ROBO2: variants seen among roughly 807,000 people sequenced by gnomAD.
ROBO2 encodes the protein roundabout guidance receptor 2.
In ROBO2, 53 loss-of-function variants were observed where a neutral mutation model predicts 160.8. The ratio of observed to expected loss-of-function variants is 0.33; its 90% confidence interval spans 0.26 to 0.41. ROBO2 has a LOEUF of 0.41. Ranked by LOEUF, ROBO2 falls within the 10% of genes least tolerant of loss-of-function variation. ROBO2 has a pLI of 1.00. For synonymous variants in ROBO2, 664 were observed against 611.7 expected, an observed-to-expected ratio of 1.09 and a Z score of -1.26; for missense variants, 1,577 against 1,722.4, an observed-to-expected ratio of 0.92 and a Z score of 1.49.
At chr3:77,292,290 A>G (rs143367351) in intron 2 of ROBO2, among the ~76,000 whole-genome samples, 5,207 of 150,700 alleles carry the variant, frequency 0.035, 327 homozygotes, top group African/African-American at 0.12. Context: ...TCACCCAGAC[A>G]TAAAGTAAAA....
chr3:77,335,970 T>A (rs1037229478), intron 2 of ROBO2, among the ~76,000 whole-genome samples: 1 of 152,160 alleles, frequency 6.6e-6, no homozygotes, highest in Non-Finnish European at 1.5e-5. Flanking sequence ...AATGGAGGTA[T>A]ATGCAAGGTA....
At chr3:76,612,578 G>A (rs2088215511) in intron 2 of ROBO2, among the ~76,000 whole-genome samples, 1 of 152,080 alleles carries the variant, frequency 6.6e-6, no homozygotes, top group South Asian at 2.1e-4. Flanking sequence ...AGAACATTAG[G>A]ACAAATACCC....
Position 77,607,911 on chromosome 3 carries a change from G to T in ROBO2, c.3250G>T (p.Gly1084Cys), listed in dbSNP as rs763828605. The change falls in exon 21 of 26, where the codon GGC (glycine) becomes TGC (cysteine). Residue 1084 changes from glycine to cysteine, a missense_variant. Gly to Cys is a radical substitution (Grantham distance 159, BLOSUM62 -3). Coordinates refer to ENST00000461745, the Ensembl canonical transcript of ROBO2. ...TCCCCCCCCAGTCCAGCCCCTTCCTGGCACGGAGCTGGAACACTATGCAGT... is the reference window on the plus strand; with the variant it reads ...TCCCCCCCCAGTCCAGCCCCTTCCTTGCACGGAGCTGGAACACTATGCAGT... 2 of 1,613,682 alleles carry T rather than the reference G, an allele frequency of 1.2e-6. No homozygotes were observed. The highest frequency in any genetic ancestry group is 2.2e-5 in the South Asian group (2 of 91,046).
At chr3:77,609,789 TAC>T (rs1419768759) in intron 21 of ROBO2, among the ~76,000 whole-genome samples, 207 of 101,660 alleles carry the variant, frequency 2.0e-3, no homozygotes, top group African/African-American at 6.7e-3. Flanking sequence ...ACTTTATATA[TAC>T]ATATATATAT....
intron 2 of ROBO2, among the ~76,000 whole-genome samples, chr3:76,341,419 TAAA>T (rs71277587): frequency 2.3e-5 from 1 of 44,250 alleles, no homozygotes; most frequent in Non-Finnish European, 4.6e-5. Context: ...TTTTAAAGCG[TAAA>T]AAAAAAAAAA....
chr3:76,328,083 A>C (rs1343798719), intron 2 of ROBO2, among the ~76,000 whole-genome samples: 1 of 152,168 alleles, frequency 6.6e-6, no homozygotes, highest in Non-Finnish European at 1.5e-5. Flanking sequence ...TTCTTTAAGA[A>C]GTCCCAGATT....
chr3:76,789,778 G>T (rs1406879386), intron 2 of ROBO2, among the ~76,000 whole-genome samples: 1 of 151,550 alleles, frequency 6.6e-6, no homozygotes, highest in African/African-American at 2.4e-5. Context: ...TTAAGAAATA[G>T]AACGTCAAGA....
chr3:76,220,430 C>A (rs543068972), intron 2 of ROBO2, among the ~76,000 whole-genome samples: 1 of 152,022 alleles, frequency 6.6e-6, no homozygotes, highest in East Asian at 1.9e-4. Flanking sequence ...AAGCTCGATC[C>A]TCACACAGGG....
At chr3:76,329,515 T>A (rs1426187143) in intron 2 of ROBO2, among the ~76,000 whole-genome samples, 2 of 152,138 alleles carry the variant, frequency 1.3e-5, no homozygotes, top group East Asian at 3.9e-4. Context: ...ACGGCATCCG[T>A]CCTCAGAATC....
chr3:76,885,558 T>G (rs548719331), intron 2 of ROBO2, among the ~76,000 whole-genome samples: 20 of 152,180 alleles, frequency 1.3e-4, no homozygotes, highest in Non-Finnish European at 2.1e-4. Flanking sequence ...GTGTGTTAGC[T>G]AAAAATACCA....
chr3:76,951,815 C>G (rs188063006), intron 2 of ROBO2, among the ~76,000 whole-genome samples: 5 of 152,336 alleles, frequency 3.3e-5, no homozygotes, highest in Admixed American at 2.0e-4. Context: ...CCTGCTCTTA[C>G]TGTTCACAAA....
At chr3:76,440,147 G>T (rs890000791) in intron 2 of ROBO2, among the ~76,000 whole-genome samples, 1 of 152,106 alleles carries the variant, frequency 6.6e-6, no homozygotes, top group Non-Finnish European at 1.5e-5. Context: ...ATGATGTGGG[G>T]GGAAAGCGAG....
intron 2 of ROBO2, among the ~76,000 whole-genome samples, chr3:77,381,949 A>G (rs1247566537): frequency 6.6e-6 from 1 of 151,700 alleles, no homozygotes; most frequent in Non-Finnish European, 1.5e-5. Flanking sequence ...ATTTTTCTGA[A>G]GAGAAATTTG....
At chr3:77,141,486 G>C (rs545245117) in intron 2 of ROBO2, among the ~76,000 whole-genome samples, 50 of 152,268 alleles carry the variant, frequency 3.3e-4, no homozygotes, top group African/African-American at 1.2e-3. Flanking sequence ...TAAGAAGAGA[G>C]TCAAAGGCTG....
intron 2 of ROBO2, among the ~76,000 whole-genome samples, chr3:77,184,327 T>A (rs1316674607): frequency 2.0e-5 from 3 of 152,074 alleles, no homozygotes; most frequent in Admixed American, 6.6e-5. Flanking sequence ...GAAGCAGCTA[T>A]GCGTGAAGCA....
intron 2 of ROBO2, among the ~76,000 whole-genome samples, chr3:76,273,759 C>T (rs1188574753): frequency 1.3e-5 from 2 of 152,156 alleles, no homozygotes; most frequent in Admixed American, 1.3e-4. Context: ...ATTCAATGAT[C>T]TCCCACCAGA....
intron 2 of ROBO2, among the ~76,000 whole-genome samples, chr3:76,785,980 T>A (rs763487020): frequency 9.9e-5 from 15 of 151,282 alleles, no homozygotes; most frequent in Non-Finnish European, 1.8e-4. Context: ...CAACTGAAGG[T>A]CAAATCAGTA....
intron 2 of ROBO2, among the ~76,000 whole-genome samples, chr3:76,740,522 C>T (rs2093784721): frequency 6.6e-6 from 1 of 152,068 alleles, no homozygotes; most frequent in Admixed American, 6.6e-5. Flanking sequence ...AATTCTCCTG[C>T]CCAGATTCAT....
intron 2 of ROBO2, among the ~76,000 whole-genome samples, chr3:76,030,853 CT>C (rs1323114105): frequency 2.0e-5 from 3 of 152,116 alleles, no homozygotes; most frequent in African/African-American, 4.8e-5. Context: ...AATACAGGCT[CT>C]TTTTTGGTTC....
Sources: allele counts gnomAD v4.1 joint callset (sites outside exome capture counted in the v4.1 genomes callset), GRCh38; gene constraint gnomAD v4.1.1; transcripts MANE v1.5; gene names NCBI Gene and HGNC (gene_info 2026-07-23, HGNC 2026-07-21).